ZNF668: variants seen among roughly 807,000 people sequenced by gnomAD.
The protein encoded by ZNF668 is zinc finger protein 668.
ZNF668 carries 10 observed loss-of-function variants against 40.3 expected under a neutral mutation model. That is an observed-to-expected ratio of 0.25 (90% CI 0.15 to 0.42). The LOEUF is 0.42. Among genes scored for constraint, ZNF668 ranks in the 10% least tolerant of loss-of-function variants. The probability of loss-of-function intolerance (pLI) is 1.00; values close to 1 mark genes in which losing one functional copy is unlikely to be tolerated. For synonymous variants in ZNF668, 428 were observed against 384.6 expected (o/e 1.11, Z -1.32); for missense variants, 749 against 904.6 (o/e 0.83, Z 2.21).
In ZNF668 at chr16:31,061,537, G is replaced by A. The variant is rs1444233661; in HGVS notation, c.1391C>T (p.Pro464Leu). ...TGTGGCCATCACACCACCTGACTCC[G>A]GGGGCAGCCCTAGCAGCCCTGCTGG... is the stretch of plus-strand genomic sequence containing the variant. ...DPPAGLLGLP[P>L]ESGGVMATQW... Residue 464 changes from proline to leucine, a missense_variant, in exon 3 of 3, where the codon CCG (proline) becomes CTG (leucine). Around this residue, in one of 4 missense-constraint regions of ZNF668, gnomAD observed 310 missense variants for 355.1 expected, o/e 0.87. Transcript: ENST00000300849. This position sits in a 1 kb window ranked among gnomAD's most constrained non-coding sequence, Gnocchi z 7.7. 3.1e-6 allele frequency: 5 copies of A among 1,610,888 alleles called. No individual in the cohort carries two copies. Among genetic ancestry groups the A allele is most frequent in the Admixed American group, 3.3e-5 (2 of 59,990 alleles).
rs532338368 is a variant in ZNF668 at position 31,071,644 on chromosome 16, A to C, written c.-23+2015T>G. Among the ~76,000 whole-genome samples, 18 of 152,242 alleles carry C rather than the reference A, an allele frequency of 1.2e-4. No individual in the cohort carries two copies. The South Asian group carries it at 2.7e-3, about 23-fold the overall frequency. On this transcript the variant is annotated intron_variant, in intron 1 of 2. Transcript: ENST00000300849. ...AAAAATTCTTTGTATATAGAGATGG[A>C]GGTCTCACTACGCTGCCGACAGTGG... is the stretch of plus-strand genomic sequence containing the variant.
Position 31,061,826 on chromosome 16 carries a change from C to G in ZNF668, c.1102G>C (p.Glu368Gln), listed in dbSNP as rs1177612829. 1 of 1,612,910 alleles carries G rather than the reference C, an allele frequency of 6.2e-7. No individual in the cohort carries two copies. Among genetic ancestry groups the G allele is most frequent in the Admixed American group, 1.7e-5 (1 of 59,978 alleles). ...HSGQRPFRCE[E>Q]CGRAFAERAS... is the part of the protein sequence containing the mutation. ...CGCTCGGCGAAGGCTCGCCCGCACT[C>G]CTCACAGCGGAAGGGCCGCTGGCCA... The change falls in exon 3 of 3, where the codon GAG becomes CAG. Residue 368 changes from glutamate (E) to glutamine (Q), a missense_variant. By Grantham distance (29) the Glu-to-Gln change is conservative. This residue lies in a region of ZNF668 where 129 missense variants were observed against 231.2 expected (regional missense o/e 0.56). Coordinates refer to ENST00000300849, the MANE Select transcript of ZNF668 (RefSeq NM_024706.5). This position sits in a 1 kb window ranked among gnomAD's most constrained non-coding sequence, Gnocchi z 7.7.
intron 1 of ZNF668, among the ~76,000 whole-genome samples, chr16:31,069,520 A>C (rs910802452): frequency 2.6e-5 from 4 of 151,966 alleles, no homozygotes; most frequent in African/African-American, 9.7e-5. Flanking sequence ...CCTCAAAAAG[A>C]GCTTTCTTGA....
chr16:31,064,043 G>A lies in ZNF668; in HGVS notation c.417C>T (p.Pro139=), dbSNP rs34889904. 1.6e-3 allele frequency: 2,575 copies of A among 1,605,084 alleles called. 32 individuals carry two copies. In the African/African-American group the frequency reaches 0.031, roughly 20 times the overall value. The change falls in exon 2 of 3, where the codon CCC becomes CCT. Residue 139 remains proline (P), a synonymous_variant. Coordinates refer to ENST00000300849, the MANE Select transcript of ZNF668 (RefSeq NM_024706.5). The part of the protein sequence containing the change: ...VHLASHAGEL[P]FRCAHCPKAY... The stretch of plus-strand genomic sequence containing the variant: ...CCTTCGGGCAGTGCGCACAGCGGAA[G>A]GGCAGTTCGCCAGCGTGCGAGGCCA...
intron 1 of ZNF668, among the ~76,000 whole-genome samples, chr16:31,066,581 G>A (rs1008805856): frequency 1.3e-5 from 2 of 152,102 alleles, no homozygotes; most frequent in Non-Finnish European, 2.9e-5. Context: ...ATTAGCAGAT[G>A]TGGTGGCATG....
At chr16:31,071,757 C>A (rs1198548822) in intron 1 of ZNF668, among the ~76,000 whole-genome samples, 2 of 152,198 alleles carry the variant, frequency 1.3e-5, no homozygotes, top group Non-Finnish European at 2.9e-5. Context: ...GACCAGCACC[C>A]CTCCTCTCTA....
rs774826582 is a variant in ZNF668, at chr16:31,061,743, G to A, written c.1185C>T (p.Asn395=). Residue 395 remains asparagine, a synonymous_variant, in exon 3 of 3, where the codon AAC becomes AAT. Coordinates refer to ENST00000300849, the MANE Select transcript of ZNF668 (RefSeq NM_024706.5). This position sits in a 1 kb window ranked among gnomAD's most constrained non-coding sequence, Gnocchi z 7.7. ...ACACCACAAAGGATTTCCCACATGC[G>A]TTACAGTGGAAGGGGCGCTCCCCCG... The part of the protein sequence containing the change: ...VHSGERPFHC[N]ACGKSFVVSS... 1.2e-5 allele frequency: 19 copies of A among 1,613,556 alleles called. No homozygotes were observed. The highest frequency in any genetic ancestry group is 1.5e-5 in the Non-Finnish European group (18 of 1,179,916).
At chr16:31,064,536 C>T in intron 1 of ZNF668, 55 bp from the exon 2 acceptor site, 1 of 1,597,728 alleles carries the variant, frequency 6.3e-7, no homozygotes, top group Non-Finnish European at 8.5e-7. Flanking sequence ...CTCCTGAAAG[C>T]CTCAGAGAGA....
In ZNF668 at chr16:31,063,995, G is replaced by C. The variant is rs752299021; in HGVS notation, c.465C>G (p.Leu155=). 1.1e-5 allele frequency: 17 copies of C among 1,609,924 alleles called. No individual in the cohort carries two copies. The highest frequency in any genetic ancestry group is 1.4e-5 in the Non-Finnish European group (17 of 1,177,444). The part of the protein sequence containing the change: ...CPKAYGALSK[L]KIHQRGHTGE... ...CTGTGTGGCCACGCTGGTGGATCTT[G>C]AGCTTGGAGAGCGCGCCATAGGCCT... The change falls in exon 2 of 3, where the codon CTC becomes CTG. Residue 155 remains leucine, a synonymous_variant. Coordinates refer to ENST00000300849, the MANE Select transcript of ZNF668 (RefSeq NM_024706.5).
intron 1 of ZNF668, chr16:31,065,186 C>T (rs2056972262): frequency 2.1e-6 from 2 of 970,458 alleles, no homozygotes; most frequent in Admixed American, 1.1e-4. Context: ...CAGCTGGAAG[C>T]CTCTTTCTGA....
At position 31,061,360 on chromosome 16, in the gene ZNF668, T is replaced by G. The variant is rs765063275; in HGVS notation, c.1568A>C (p.Glu523Ala). 1 of 1,613,042 alleles carries G rather than the reference T, an allele frequency of 6.2e-7. No homozygotes were observed. Among genetic ancestry groups the G allele is most frequent in the South Asian group, 1.1e-5 (1 of 91,026 alleles). The change falls in exon 3 of 3, where the codon GAG (glutamate) becomes GCG (alanine). Residue 523 changes from glutamate (E) to alanine (A), a missense_variant. Around this residue, in one of 4 missense-constraint regions of ZNF668, gnomAD observed 310 missense variants for 355.1 expected, o/e 0.87. Coordinates refer to ENST00000300849, the MANE Select transcript of ZNF668 (RefSeq NM_024706.5). This position sits in a 1 kb window ranked among gnomAD's most constrained non-coding sequence, Gnocchi z 7.7. Reference protein sequence around the residue: ...PPQFVCRECKETFSTMTLLRR... With the variant: ...PPQFVCRECKATFSTMTLLRR... ...CAGCAGCGTCATTGTGGAGAAGGTC[T>G]CCTTGCACTCTCGGCACACAAACTG...
At position 31,062,280 on chromosome 16, in the gene ZNF668, C is replaced by A; in HGVS notation, c.648G>T (p.Arg216=). The A allele has an allele frequency of 6.3e-7, 1 of 1,594,392 alleles. No homozygotes were observed. Among genetic ancestry groups the A allele is most frequent in the Non-Finnish European group, 8.5e-7 (1 of 1,170,790 alleles). The change falls in exon 3 of 3, where the codon CGG becomes CGT. Residue 216 remains arginine (R), a splice_region_variant and synonymous_variant. Coordinates refer to ENST00000300849, the MANE Select transcript of ZNF668 (RefSeq NM_024706.5). The part of the protein sequence containing the change: ...AELKDLRNHE[R]SHTGERPFLC... ...GGAAGGGGCGCTCGCCGGTGTGGGA[C>A]CTGCGGGGGTGTGGAGGACTTGGCA...
chr16:31,065,848 C>T (rs1485219511), intron 1 of ZNF668, among the ~76,000 whole-genome samples: 17 of 125,684 alleles, frequency 1.4e-4, no homozygotes, highest in African/African-American at 2.0e-4. Flanking sequence ...AGCAAGACTC[C>T]GTCTCAAAAA....
At chr16:31,072,117 G>T (rs1400978071) in intron 1 of ZNF668, among the ~76,000 whole-genome samples, 1 of 152,164 alleles carries the variant, frequency 6.6e-6, no homozygotes, top group Non-Finnish European at 1.5e-5. Flanking sequence ...CCAAACACCT[G>T]CTCTCTGAGC....
chr16:31,063,810 C>T lies in ZNF668; in HGVS notation c.647+3G>A. On this transcript the variant is annotated splice_donor_region_variant and intron_variant, in intron 2 of 2. Transcript: ENST00000300849. ...GGCGCCCTGCCCCGGAAGGCACCCT[C>T]ACCGCTCATGGTTGCGGAGGTCCTT... 1 of 1,558,488 alleles carries T rather than the reference C, an allele frequency of 6.4e-7. No homozygotes were observed. Among genetic ancestry groups the T allele is most frequent in the Non-Finnish European group, 8.7e-7 (1 of 1,147,716 alleles).
chr16:31,064,410 C>T lies in ZNF668; in HGVS notation c.50G>A (p.Arg17His), dbSNP rs2056965481. 7 of 1,612,988 alleles carry T rather than the reference C, an allele frequency of 4.3e-6. No homozygotes were observed. Among genetic ancestry groups the T allele is most frequent in the African/African-American group, 1.3e-5 (1 of 74,950 alleles). ...EARSPAPGYK[R>H]SGRRYKCLSC... Reference sequence around the variant, plus strand: ...CAGGCACTTGTAGCGGCGGCCCGAGCGCTTGTAGCCGGGGGCTGGGGACCG... The same window carrying T: ...CAGGCACTTGTAGCGGCGGCCCGAGTGCTTGTAGCCGGGGGCTGGGGACCG... Residue 17 changes from arginine to histidine, a missense_variant, in exon 2 of 3, where the codon CGC (arginine) becomes CAC (histidine). Physicochemically the swap from Arg to His is conservative, Grantham distance 29. Transcript: ENST00000300849.
rs2056964253 is a variant in ZNF668 at position 31,064,329 on chromosome 16, T to C, written c.131A>G (p.His44Arg). 1 of 1,613,824 alleles carries C rather than the reference T, an allele frequency of 6.2e-7. No individual in the cohort carries two copies. The highest frequency in any genetic ancestry group is 1.7e-5 in the Admixed American group (1 of 60,008). Residue 44 changes from histidine to arginine, a missense_variant, in exon 2 of 3, where the codon CAT (histidine) becomes CGT (arginine). By Grantham distance (29) the His-to-Arg change is conservative. Coordinates refer to ENST00000300849, the MANE Select transcript of ZNF668 (RefSeq NM_024706.5). ...CTCTTCAGAGCAGTCTGCCGGCCCA[T>C]GTGTGGCAGCGTGGCGCGCTGCCCT... ...APRAARHAAT[H>R]GPADCSEEVA... is the part of the protein sequence containing the mutation.
chr16:31,071,577 C>G (rs896384965), intron 1 of ZNF668, among the ~76,000 whole-genome samples: 3 of 152,150 alleles, frequency 2.0e-5, no homozygotes, highest in Non-Finnish European at 4.4e-5. Flanking sequence ...TCCTGAGTAG[C>G]TAGGACTATA....
At chr16:31,062,514 C>G in intron 2 of ZNF668, 1 of 536,308 alleles carries the variant, frequency 1.9e-6, no homozygotes, top group South Asian at 2.7e-5. Flanking sequence ...GGCGCGGTGG[C>G]TCACGCCTGT....
Sources: allele counts gnomAD v4.1 joint callset (sites outside exome capture counted in the v4.1 genomes callset), GRCh38; gene constraint gnomAD v4.1.1; regional missense constraint gnomAD v4.1.1; non-coding constraint Gnocchi (gnomAD v3.1); transcripts MANE v1.5; gene names NCBI Gene and HGNC (gene_info 2026-07-23, HGNC 2026-07-21).